The following CAMKMT variants were observed in gnomAD, a reference collection of about 807,000 sequenced individuals.
The protein encoded by CAMKMT is CaM KMT.
A neutral mutation model predicts 48.0 loss-of-function variants in CAMKMT; 53 were observed. The ratio of observed to expected loss-of-function variants is 1.10; its 90% CI spans 0.89 to 1.39. The LOEUF is 1.39. Ranked by LOEUF, CAMKMT falls within the 40% of genes most tolerant of loss-of-function variation. The probability of loss-of-function intolerance (pLI) is 0.00; values close to 1 mark genes in which losing one functional copy is unlikely to be tolerated. For missense variants in CAMKMT, 428 were observed against 402.7 expected (o/e 1.06, Z -0.54); for synonymous variants, 165 against 152.3 (o/e 1.08, Z -0.61).
chr2:44,678,775 C>G (rs1347920069), intron 3 of CAMKMT, among the ~76,000 whole-genome samples: 2 of 152,178 alleles, frequency 1.3e-5, no homozygotes, highest in African/African-American at 2.4e-5. Context: ...TCCTTCTCAT[C>G]TTTTCTCAGT....
At chr2:44,719,197 TCTC>T (rs1331260003) in intron 7 of CAMKMT, among the ~76,000 whole-genome samples, 5 of 152,152 alleles carry the variant, frequency 3.3e-5, no homozygotes, top group African/African-American at 9.7e-5. Context: ...TTCTTGTTTC[TCTC>T]CTCTTCTCCA....
At position 44,618,478 on chromosome 2, in the gene CAMKMT, T is replaced by C. The variant is rs566631951; in HGVS notation, c.377-85805T>C. On this transcript the variant is annotated intron_variant, in intron 3 of 10. Coordinates refer to ENST00000378494, the MANE Select transcript of CAMKMT (RefSeq NM_024766.5). This position sits in a 1 kb window ranked among gnomAD's most constrained non-coding sequence, Gnocchi z 4.0. ...CACTTGGGGACCTTTTTGCTTTAGG[T>C]CGAAGGCTTTTCAGACTGCGATGAG... Among the ~76,000 whole-genome samples the C allele has an allele frequency of 1.3e-5, 2 of 152,314 alleles. No individual in the cohort carries two copies. Among genetic ancestry groups the C allele is most frequent in the South Asian group, 4.1e-4 (2 of 4,826 alleles).
chr2:44,667,971 T>G (rs1193621186), intron 3 of CAMKMT, among the ~76,000 whole-genome samples: 2 of 152,182 alleles, frequency 1.3e-5, no homozygotes, highest in African/African-American at 4.8e-5. Context: ...CCTCTCTCAC[T>G]TCAACAGTCC....
intron 3 of CAMKMT, among the ~76,000 whole-genome samples, chr2:44,492,322 A>C (rs1239155642): frequency 6.6e-6 from 1 of 152,176 alleles, no homozygotes; most frequent in Non-Finnish European, 1.5e-5. Context: ...AATTGTTATC[A>C]ACTTCCATAA....
At chr2:44,494,312 C>T (rs1186183089) in intron 3 of CAMKMT, among the ~76,000 whole-genome samples, 2 of 152,074 alleles carry the variant, frequency 1.3e-5, no homozygotes, top group South Asian at 2.1e-4. Context: ...TTATTATTAT[C>T]CTTTGAATTG....
intron 3 of CAMKMT, among the ~76,000 whole-genome samples, chr2:44,469,224 A>G (rs1668287793): frequency 1.3e-5 from 2 of 152,136 alleles, no homozygotes; most frequent in Non-Finnish European, 2.9e-5. Context: ...TCAAAGTATC[A>G]TACTGTATCC....
intron 3 of CAMKMT, among the ~76,000 whole-genome samples, chr2:44,407,603 T>C (rs1250948593): frequency 6.6e-6 from 1 of 152,202 alleles, no homozygotes; most frequent in Non-Finnish European, 1.5e-5. Context: ...CTATCTGATG[T>C]AGCAGTGAAA....
chr2:44,436,681 C>G (rs1299029339), intron 3 of CAMKMT, among the ~76,000 whole-genome samples: 1 of 151,892 alleles, frequency 6.6e-6, no homozygotes, highest in African/African-American at 2.4e-5. Context: ...GTTTGCCAAC[C>G]TCAGATTTAG....
chr2:44,766,343 C>A, intron 9 of CAMKMT, 87 bp from the exon 10 acceptor site: 1 of 1,421,252 alleles, frequency 7.0e-7, no homozygotes. Flanking sequence ...TACTTGAGAG[C>A]AGTACATTAA....
chr2:44,632,451 G>T (rs953578172), intron 3 of CAMKMT, among the ~76,000 whole-genome samples: 1 of 152,174 alleles, frequency 6.6e-6, no homozygotes, highest in African/African-American at 2.4e-5. Flanking sequence ...ACAACATGAT[G>T]TTATAGATAC....
intron 7 of CAMKMT, among the ~76,000 whole-genome samples, chr2:44,742,602 A>C (rs1312884391): frequency 3.9e-5 from 6 of 152,208 alleles, no homozygotes; most frequent in Non-Finnish European, 5.9e-5. Context: ...CAGCGTGTGT[A>C]GGTATTTTTG....
rs375784636 is a variant in CAMKMT, at chr2:44,500,670, G to T, written c.376+110365G>T. ...AATTTTCCAACATTTCCAGCATTTT[G>T]CCCTTTTCTCAGATACTTTTTTTTT... On this transcript the variant is annotated intron_variant, in intron 3 of 10. Coordinates refer to ENST00000378494, the MANE Select transcript of CAMKMT (RefSeq NM_024766.5). Among the ~76,000 whole-genome samples the T allele has an allele frequency of 2.0e-5, 3 of 148,196 alleles. No homozygotes were observed. In the East Asian group the frequency reaches 5.9e-4, roughly 29 times the overall value.
chr2:44,456,150 C>T (rs188953125), intron 3 of CAMKMT, among the ~76,000 whole-genome samples: 25 of 152,162 alleles, frequency 1.6e-4, no homozygotes, highest in Admixed American at 5.9e-4. Flanking sequence ...AAATATATTG[C>T]TAGTACATAT....
intron 3 of CAMKMT, among the ~76,000 whole-genome samples, chr2:44,445,645 GTTTTTTTT>G (rs869258613): frequency 1.6e-4 from 16 of 101,396 alleles, no homozygotes; most frequent in African/African-American, 5.9e-4. Flanking sequence ...CAAAAGGGTA[GTTTTTTTT>G]TTTTTTTTTT....
chr2:44,384,054 G>C (rs949709878), intron 2 of CAMKMT, among the ~76,000 whole-genome samples: 1 of 152,148 alleles, frequency 6.6e-6, no homozygotes, highest in East Asian at 1.9e-4. Context: ...TCTCCACACT[G>C]TTTCCATAGT....
chr2:44,640,731 C>T (rs1673404567), intron 3 of CAMKMT, among the ~76,000 whole-genome samples: 1 of 152,150 alleles, frequency 6.6e-6, no homozygotes, highest in African/African-American at 2.4e-5. Context: ...AAGTTTCTTT[C>T]CCTAACAAAC....
intron 3 of CAMKMT, among the ~76,000 whole-genome samples, chr2:44,519,643 T>G (rs1670999646): frequency 6.6e-6 from 1 of 152,198 alleles, no homozygotes; most frequent in Non-Finnish European, 1.5e-5. Flanking sequence ...CATGGTATGT[T>G]TAAAAACGAA....
At chr2:44,583,035 C>G (rs967615643) in intron 3 of CAMKMT, among the ~76,000 whole-genome samples, 2 of 152,060 alleles carry the variant, frequency 1.3e-5, no homozygotes, top group Admixed American at 6.5e-5. Flanking sequence ...CACAAAAAAC[C>G]CTTAAAATAC....
Position 44,545,765 on chromosome 2 carries a change from C to G in CAMKMT, c.376+155460C>G, listed in dbSNP as rs914755614. On this transcript the variant is annotated intron_variant, in intron 3 of 10. Coordinates refer to ENST00000378494, the MANE Select transcript of CAMKMT (RefSeq NM_024766.5). The stretch of plus-strand genomic sequence containing the variant: ...ATGAAGGCACAGTTTTAATGGACAC[C>G]TTGTAGAATAATACAAGAGTGGAGT... 4.0e-5 allele frequency among the ~76,000 whole-genome samples: 6 copies of G among 149,766 alleles called. No homozygotes were observed. In the Admixed American group the frequency reaches 4.0e-4, roughly 10 times the overall value.
Sources: allele counts gnomAD v4.1 joint callset (sites outside exome capture counted in the v4.1 genomes callset), GRCh38; gene constraint gnomAD v4.1.1; non-coding constraint Gnocchi (gnomAD v3.1); transcripts MANE v1.5; gene names NCBI Gene and HGNC (gene_info 2026-07-23, HGNC 2026-07-21).